The following FSHR variants were observed in gnomAD, a reference collection of about 807,000 sequenced individuals.
FSHR encodes follicle-stimulating hormone receptor.
FSHR carries 46 observed loss-of-function variants against 52.1 expected under a neutral mutation model. That is an observed-to-expected ratio of 0.88 (90% CI 0.70 to 1.13). FSHR has a LOEUF of 1.13. Ranked by LOEUF, FSHR falls within the 50% of genes most tolerant of loss-of-function variation. FSHR has a pLI of 0.00. For missense variants in FSHR, 964 were observed against 834.6 expected (o/e 1.16, Z -1.91); for synonymous variants, 399 against 309.6 (o/e 1.29, Z -3.03).
intron 1 of FSHR, among the ~76,000 whole-genome samples, chr2:49,151,260 G>A (rs1673052543): frequency 6.6e-6 from 1 of 151,694 alleles, no homozygotes; most frequent in South Asian, 2.1e-4. Flanking sequence ...CCATCCAGGA[G>A]CTGCAGGGAT....
intron 1 of FSHR, among the ~76,000 whole-genome samples, chr2:49,072,860 G>T (rs985576882): frequency 5.3e-5 from 8 of 152,080 alleles, no homozygotes; most frequent in African/African-American, 1.9e-4. Flanking sequence ...GTTTACTGAA[G>T]AAAGCTGGAT....
rs541350314 is a variant in FSHR at position 49,123,987 on chromosome 2, C to G, written c.152+30279G>C. 7.9e-5 allele frequency among the ~76,000 whole-genome samples: 12 copies of G among 151,422 alleles called. No individual in the cohort carries two copies. The South Asian group carries it at 1.5e-3, about 19-fold the overall frequency. On this transcript the variant is annotated intron_variant, in intron 1 of 9. Coordinates refer to ENST00000406846, the MANE Select transcript of FSHR (RefSeq NM_000145.4). ...ACTCTTCAAGAGCTCTTGAGTTTTT[C>G]TTTCTTTTTTTTTTTGAGACGGAAT... is the stretch of plus-strand genomic sequence containing the variant.
chr2:49,056,481 T>C (rs891178976), intron 2 of FSHR, among the ~76,000 whole-genome samples: 3 of 90,922 alleles, frequency 3.3e-5, no homozygotes, highest in Non-Finnish European at 7.3e-5. Context: ...TATATATATA[T>C]ATATATCCAA....
In FSHR at chr2:49,010,902, A is replaced by G. The variant is rs187111039; in HGVS notation, c.374+6587T>C. On this transcript the variant is annotated intron_variant, in intron 4 of 9. Transcript: ENST00000406846. ...CCCTTTATCATTTTTTATTGCATCT[A>G]TTGGATTCTTCTCTCTTTTCTTCTT... 4.3e-3 allele frequency among the ~76,000 whole-genome samples: 654 copies of G among 151,978 alleles called. 6 individuals carry two copies. The highest frequency in any genetic ancestry group is 0.015 in the African/African-American group (625 of 41,422).
rs557182204 is a variant in FSHR, at chr2:48,963,005, T to A, written c.1816A>T (p.Lys606Ter). The change falls in exon 10 of 10, where the codon AAA becomes TAA. Residue 606 changes from lysine (K) to a stop codon, truncating the protein, a stop_gained. Transcript: ENST00000406846. LOFTEE classifies it high-confidence loss of function. ...SLKVPLITVS[K>*]AKILLVLFHP... ...AACAGAACCAGCAGAATCTTTGCTTTGGACACAGTGATGAGGGGCACCTTG... is the reference window on the plus strand; with the variant it reads ...AACAGAACCAGCAGAATCTTTGCTTAGGACACAGTGATGAGGGGCACCTTG... 1 of 1,614,104 alleles carries A rather than the reference T, an allele frequency of 6.2e-7. No individual in the cohort carries two copies. Among genetic ancestry groups the A allele is most frequent in the South Asian group, 1.1e-5 (1 of 91,076 alleles).
chr2:49,049,117 A>T (rs1373308808), intron 2 of FSHR, among the ~76,000 whole-genome samples: 1 of 152,154 alleles, frequency 6.6e-6, no homozygotes, highest in African/African-American at 2.4e-5. Context: ...GGATATTTTT[A>T]ACTCGAGTAT....
At chr2:49,035,169 A>G (rs1668233970) in intron 2 of FSHR, among the ~76,000 whole-genome samples, 1 of 152,178 alleles carries the variant, frequency 6.6e-6, no homozygotes, top group Admixed American at 6.5e-5. Context: ...GTGTTAAACC[A>G]TGTTCTTTAT....
At chr2:49,086,547 A>T (rs562006711) in intron 1 of FSHR, among the ~76,000 whole-genome samples, 1 of 152,336 alleles carries the variant, frequency 6.6e-6, no homozygotes, top group African/African-American at 2.4e-5. Context: ...GCTTCATTTT[A>T]TAATCACCTG....
At chr2:49,106,478 G>A (rs1671227997) in intron 1 of FSHR, among the ~76,000 whole-genome samples, 1 of 152,172 alleles carries the variant, frequency 6.6e-6, no homozygotes, top group East Asian at 1.9e-4. Flanking sequence ...TTTACAGTTT[G>A]GCTGGAGATG....
intron 1 of FSHR, among the ~76,000 whole-genome samples, chr2:49,145,266 A>G (rs1050861569): frequency 2.0e-5 from 3 of 152,096 alleles, no homozygotes; most frequent in African/African-American, 7.2e-5. Context: ...GTATTTTGAC[A>G]ATTTGTAAAC....
intron 1 of FSHR, among the ~76,000 whole-genome samples, chr2:49,114,932 G>A (rs886773843): frequency 1.3e-5 from 2 of 151,862 alleles, no homozygotes; most frequent in South Asian, 2.1e-4. Flanking sequence ...TACAGAAAAA[G>A]CAATCATTGC....
At chr2:49,010,352 C>A (rs1667224151) in intron 4 of FSHR, among the ~76,000 whole-genome samples, 1 of 150,056 alleles carries the variant, frequency 6.7e-6, no homozygotes, top group Non-Finnish European at 1.5e-5. Context: ...GTATATTGAA[C>A]CAGCCTTGCA....
intron 4 of FSHR, among the ~76,000 whole-genome samples, chr2:48,999,152 T>A (rs1169629860): frequency 6.6e-6 from 1 of 152,100 alleles, no homozygotes; most frequent in Admixed American, 6.6e-5. Flanking sequence ...AGATATGTGC[T>A]ATTCTGTTCT....
chr2:49,127,879 TC>T (rs1558457001), intron 1 of FSHR, among the ~76,000 whole-genome samples: 2,911 of 48,874 alleles, frequency 0.06, 320 homozygotes, highest in East Asian at 0.14. Flanking sequence ...TTCTTCTTCT[TC>T]TTCTTCTTCT....
intron 2 of FSHR, among the ~76,000 whole-genome samples, chr2:49,058,572 C>T (rs367723842): frequency 2.6e-5 from 4 of 151,882 alleles, no homozygotes; most frequent in African/African-American, 9.7e-5. Context: ...CTAAAAAAAA[C>T]CTTTAAGAAC....
At chr2:49,026,436 C>A (rs1052048080) in intron 2 of FSHR, among the ~76,000 whole-genome samples, 3 of 152,176 alleles carry the variant, frequency 2.0e-5, no homozygotes, top group Admixed American at 6.5e-5. Flanking sequence ...CTCACAACAA[C>A]CTTGTCAGCT....
At position 49,109,583 on chromosome 2, in the gene FSHR, G is replaced by T. The variant is rs566734956; in HGVS notation, c.153-41293C>A. Among the ~76,000 whole-genome samples, 81 of 152,188 alleles carry T rather than the reference G, an allele frequency of 5.3e-4. 1 individual carries two copies. The highest frequency in any genetic ancestry group is 1.9e-3 in the African/African-American group (77 of 41,546). ...GAGTGGACTGGGGGGACAGTGTGGT[G>T]AAACAGGGCATCTCCTGTTTTAGCT... On this transcript the variant is annotated intron_variant, in intron 1 of 9. Coordinates refer to ENST00000406846, the MANE Select transcript of FSHR (RefSeq NM_000145.4).
At chr2:48,978,748 G>A (rs982572954) in intron 8 of FSHR, among the ~76,000 whole-genome samples, 2 of 152,210 alleles carry the variant, frequency 1.3e-5, no homozygotes, top group Admixed American at 1.3e-4. Context: ...GATGAAACTT[G>A]TTTGTATGCC....
intron 1 of FSHR, among the ~76,000 whole-genome samples, chr2:49,141,554 C>A (rs970179804): frequency 6.6e-6 from 1 of 152,132 alleles, no homozygotes; most frequent in Non-Finnish European, 1.5e-5. Context: ...CCCCAATGAT[C>A]CAAATACCTC....
Sources: allele counts gnomAD v4.1 joint callset (sites outside exome capture counted in the v4.1 genomes callset), GRCh38; gene constraint gnomAD v4.1.1; transcripts MANE v1.5; gene names NCBI Gene and HGNC (gene_info 2026-07-23, HGNC 2026-07-21).